TXNRD1: variants seen among roughly 807,000 people sequenced by gnomAD.
TXNRD1 encodes thioredoxin reductase 1, cytoplasmic.
In TXNRD1, 57 loss-of-function variants were observed where a neutral mutation model predicts 80.3. The ratio of observed to expected loss-of-function variants is 0.71; its 90% CI spans 0.57 to 0.89. The LOEUF (loss-of-function observed/expected upper bound fraction) is 0.89. Among genes scored for constraint, TXNRD1 ranks in the 40% least tolerant of loss-of-function variants. The pLI is 0.00. For synonymous variants in TXNRD1, 291 were observed against 285.2 expected (o/e 1.02, Z -0.20); for missense variants, 730 against 803.0 (o/e 0.91, Z 1.10).
chr12:104,291,544 C>A (rs564079570), intron 4 of TXNRD1, among the ~76,000 whole-genome samples: 1 of 138,272 alleles, frequency 7.2e-6, no homozygotes, highest in African/African-American at 2.8e-5. Context: ...AGTTCAGTGG[C>A]GCGATCTTGG....
At chr12:104,299,227 A>G (rs2034533417) in intron 4 of TXNRD1, among the ~76,000 whole-genome samples, 1 of 152,168 alleles carries the variant, frequency 6.6e-6, no homozygotes, top group Non-Finnish European at 1.5e-5. Context: ...CTGCAGTAGT[A>G]TTCCCGTCTT....
At chr12:104,311,719 G>T (rs773463220) in intron 5 of TXNRD1, among the ~76,000 whole-genome samples, 1 of 152,062 alleles carries the variant, frequency 6.6e-6, no homozygotes, top group Non-Finnish European at 1.5e-5. Context: ...GGTGACTCAC[G>T]CCTGTAATCC....
intron 1 of TXNRD1, among the ~76,000 whole-genome samples, chr12:104,242,127 TG>T (rs1483537070): frequency 1.3e-5 from 2 of 151,196 alleles, no homozygotes; most frequent in African/African-American, 4.9e-5. Flanking sequence ...TTAGTAGAGA[TG>T]GGGTTTCACC....
Position 104,249,807 on chromosome 12 carries a change from C to T in TXNRD1, c.92-1720C>T, listed in dbSNP as rs192030883. Among the ~76,000 whole-genome samples, 876 of 151,780 alleles carry T rather than the reference C, an allele frequency of 5.8e-3. 4 individuals carry two copies. The highest frequency in any genetic ancestry group is 8.7e-3 in the Non-Finnish European group (590 of 67,922). On this transcript the variant is annotated intron_variant, in intron 1 of 16. Coordinates refer to ENST00000525566, the MANE Select transcript of TXNRD1 (RefSeq NM_001093771.3). The stretch of plus-strand genomic sequence containing the variant: ...AAAATTAGCCGGGCGTGGTGGCAGG[C>T]GCCTGTAGTCCCAGCTACTCGCGAG...
intron 1 of TXNRD1, among the ~76,000 whole-genome samples, chr12:104,227,920 C>G (rs1347678771): frequency 6.6e-6 from 1 of 151,930 alleles, no homozygotes; most frequent in Non-Finnish European, 1.5e-5. Context: ...ATTTTTTTGT[C>G]CTTTCATTCA....
chr12:104,229,758 A>G (rs1214329145), intron 1 of TXNRD1, among the ~76,000 whole-genome samples: 1 of 151,472 alleles, frequency 6.6e-6, no homozygotes, highest in Non-Finnish European at 1.5e-5. Flanking sequence ...ACGCCTGGCT[A>G]ATTTTTGTAT....
intron 1 of TXNRD1, among the ~76,000 whole-genome samples, chr12:104,237,184 A>G (rs957067737): frequency 2.0e-5 from 3 of 152,326 alleles, no homozygotes; most frequent in South Asian, 2.1e-4. Context: ...GTTTTGGGGT[A>G]TCAAATTACT....
chr12:104,258,105 CAT>C (rs2033295173), intron 3 of TXNRD1, 26 bp downstream of exon 3: 1 of 1,462,128 alleles, frequency 6.8e-7, no homozygotes. Context: ...ATATGTAAAT[CAT>C]AGCTGCTGAC....
intron 3 of TXNRD1, among the ~76,000 whole-genome samples, chr12:104,277,179 C>T (rs778289750): frequency 2.0e-5 from 3 of 149,760 alleles, no homozygotes; most frequent in Admixed American, 6.7e-5. Flanking sequence ...ATCACAAGAT[C>T]GGGAGATCAA....
At chr12:104,310,539 G>A (rs1262353136) in intron 4 of TXNRD1, among the ~76,000 whole-genome samples, 4 of 152,018 alleles carry the variant, frequency 2.6e-5, no homozygotes, top group Admixed American at 6.6e-5. Context: ...TTTAGTAAGC[G>A]ATAATATTAA....
Position 104,239,521 on chromosome 12 carries a change from C to T in TXNRD1, c.92-12006C>T, listed in dbSNP as rs1283968753. The stretch of plus-strand genomic sequence containing the variant: ...AGAGTTTTTATTGCTAATTCAATCT[C>T]TTGTCTATTCAAGATTATAAGTCTA... On this transcript the variant is annotated intron_variant, in intron 1 of 16. Coordinates refer to ENST00000525566, the MANE Select transcript of TXNRD1 (RefSeq NM_001093771.3). 5.9e-5 allele frequency among the ~76,000 whole-genome samples: 9 copies of T among 152,100 alleles called. No homozygotes were observed. In the East Asian group the frequency reaches 1.7e-3, roughly 29 times the overall value.
At chr12:104,271,093 G>A (rs1257931874) in intron 3 of TXNRD1, among the ~76,000 whole-genome samples, 1 of 152,034 alleles carries the variant, frequency 6.6e-6, no homozygotes, top group Non-Finnish European at 1.5e-5. Flanking sequence ...CTTTGTGTGA[G>A]CAACAAGCCT....
At chr12:104,255,512 C>T (rs1200344106) in intron 2 of TXNRD1, among the ~76,000 whole-genome samples, 3 of 152,018 alleles carry the variant, frequency 2.0e-5, no homozygotes, top group Non-Finnish European at 1.5e-5. Flanking sequence ...TTTAAACATA[C>T]AGTTGCCCGA....
At position 104,323,435 on chromosome 12, in the gene TXNRD1, G is replaced by C. The variant is rs571317825; in HGVS notation, c.1216-1902G>C. ...CCCCCACCTCCCTCCCGGACGGGGCGGCTGGCCGGGCAGAGGGGCTCCTCA... is the reference window on the plus strand; with the variant it reads ...CCCCCACCTCCCTCCCGGACGGGGCCGCTGGCCGGGCAGAGGGGCTCCTCA... On this transcript the variant is annotated intron_variant, in intron 10 of 16. Transcript: ENST00000525566. Among the ~76,000 whole-genome samples, 9 of 138,206 alleles carry C rather than the reference G, an allele frequency of 6.5e-5. No individual in the cohort carries two copies. In the South Asian group the frequency reaches 1.9e-3, roughly 29 times the overall value. The allele number at this position is 138,206 out of a possible 152,430, so 90.7% of individuals were successfully genotyped here.
chr12:104,334,272 G>T lies in TXNRD1; in HGVS notation c.1686G>T (p.Thr562=). ...YHSYFWPLEW[T]IPSRDNNKCY... is the part of the protein sequence containing the mutation. ...GTTACTTTTGGCCATTGGAATGGAC[G>T]ATTCCGTCAAGAGATAACAACAAAT... The change falls in exon 15 of 17, where the codon ACG becomes ACT. Residue 562 remains threonine (T), a synonymous_variant. Coordinates refer to ENST00000525566, the MANE Select transcript of TXNRD1 (RefSeq NM_001093771.3). 6.5e-7 allele frequency: 1 copy of T among 1,536,058 alleles called. No individual in the cohort carries two copies. The highest frequency in any genetic ancestry group is 1.2e-5 in the South Asian group (1 of 80,444).
chr12:104,263,096 C>T (rs550167159), intron 3 of TXNRD1, among the ~76,000 whole-genome samples: 29 of 152,234 alleles, frequency 1.9e-4, no homozygotes, highest in African/African-American at 6.5e-4. Flanking sequence ...AACTCAGAAC[C>T]GGGAGGCCTG....
intron 3 of TXNRD1, among the ~76,000 whole-genome samples, chr12:104,274,091 C>T (rs2135727986): frequency 6.6e-6 from 1 of 152,098 alleles, no homozygotes; most frequent in East Asian, 1.9e-4. Flanking sequence ...AACAAAAAAT[C>T]TATAGATAAA....
intron 4 of TXNRD1, chr12:104,309,690 T>C: frequency 8.4e-7 from 1 of 1,183,482 alleles, no homozygotes; most frequent in South Asian, 1.5e-5. Flanking sequence ...GGAGTCACAC[T>C]AGTTACTTGA....
At chr12:104,296,992 C>T (rs905919430) in intron 4 of TXNRD1, among the ~76,000 whole-genome samples, 1 of 152,156 alleles carries the variant, frequency 6.6e-6, no homozygotes, top group Non-Finnish European at 1.5e-5. Context: ...GTCTGTAGAG[C>T]AATGTACTTA....
Sources: allele counts gnomAD v4.1 joint callset (sites outside exome capture counted in the v4.1 genomes callset), GRCh38; gene constraint gnomAD v4.1.1; transcripts MANE v1.5; gene names NCBI Gene and HGNC (gene_info 2026-07-23, HGNC 2026-07-21).